Variants in SYNJ1 observed in about 807,000 individuals in gnomAD.
The protein encoded by SYNJ1 is polyphosphatidylinositol phosphatase SYNJ1.
SYNJ1 carries 78 observed loss-of-function variants against 168.2 expected under a neutral mutation model. The observed-to-expected ratio is 0.46, with a 90% CI of 0.39 to 0.56. SYNJ1 has a LOEUF of 0.56. Ranked by LOEUF, SYNJ1 falls within the 20% of genes least tolerant of loss-of-function variation. The pLI is 0.00. For synonymous variants in SYNJ1, 539 were observed against 548.6 expected (o/e 0.98, Z 0.24); for missense variants, 1,303 against 1,597.6 (o/e 0.82, Z 3.14).
At chr21:32,654,628 T>G (rs2040395230) in intron 21 of SYNJ1, among the ~76,000 whole-genome samples, 1 of 152,208 alleles carries the variant, frequency 6.6e-6, no homozygotes, top group Non-Finnish European at 1.5e-5. Flanking sequence ...GTCCTTATTC[T>G]CAATCAGCAA....
chr21:32,643,272 A>C (rs2039922262), intron 27 of SYNJ1, 138 bp downstream of exon 27: 1 of 806,728 alleles, frequency 1.2e-6, no homozygotes, highest in Non-Finnish European at 2.0e-6. Context: ...GGTATACATA[A>C]GGAGGGGAAA....
intron 2 of SYNJ1, among the ~76,000 whole-genome samples, chr21:32,723,250 A>G (rs1328688731): frequency 6.6e-6 from 1 of 152,228 alleles, no homozygotes; most frequent in African/African-American, 2.4e-5. Context: ...GTATGTGCTA[A>G]TAGTATGAAA....
At chr21:32,654,381 A>G (rs1361038846) in intron 21 of SYNJ1, among the ~76,000 whole-genome samples, 1 of 152,216 alleles carries the variant, frequency 6.6e-6, no homozygotes, top group Non-Finnish European at 1.5e-5. Context: ...TTTCTTTGGC[A>G]TAAAACTAAA....
At chr21:32,634,161 C>T (rs2039460841) in intron 32 of SYNJ1, among the ~76,000 whole-genome samples, 1 of 152,156 alleles carries the variant, frequency 6.6e-6, no homozygotes, top group Admixed American at 6.5e-5. Context: ...TACATTTAAA[C>T]ACCTTTATTT....
intron 2 of SYNJ1, among the ~76,000 whole-genome samples, chr21:32,718,901 G>T (rs750844375): frequency 6.6e-6 from 1 of 151,918 alleles, no homozygotes; most frequent in Admixed American, 6.6e-5. Context: ...TAACCTTAAC[G>T]CCTTCCCTTA....
rs1217557614 is a variant in SYNJ1 at position 32,670,390 on chromosome 21, A to G, written c.1727-18T>C. 1 of 1,597,148 alleles carries G rather than the reference A, an allele frequency of 6.3e-7. No homozygotes were observed. Among genetic ancestry groups the G allele is most frequent in the East Asian group, 2.2e-5 (1 of 44,718 alleles). On this transcript the variant is annotated intron_variant, in intron 14 of 32. Coordinates refer to ENST00000674351, the MANE Select transcript of SYNJ1 (RefSeq NM_203446.3). ...TCTTTTATCTAAAATTAAGCATCCA[A>G]GAAATACTTTTAAATATAGCCTCAG...
intron 32 of SYNJ1, 131 bp downstream of exon 32, chr21:32,634,730 G>T: frequency 1.1e-6 from 1 of 898,690 alleles, no homozygotes; most frequent in Non-Finnish European, 1.7e-6. Flanking sequence ...TTTATGGTAT[G>T]ATAGAATTTA....
chr21:32,714,420 A>T (rs1304366150), intron 2 of SYNJ1, among the ~76,000 whole-genome samples: 3 of 152,196 alleles, frequency 2.0e-5, no homozygotes, highest in Non-Finnish European at 4.4e-5. Flanking sequence ...GGGACCAGTT[A>T]AGGAGGGAAT....
chr21:32,676,299 CT>C, intron 13 of SYNJ1, 32 bp downstream of exon 13: 2 of 1,521,456 alleles, frequency 1.3e-6, no homozygotes, highest in African/African-American at 1.4e-5. Context: ...GAAAAAATTG[CT>C]TTTATTTATA....
intron 8 of SYNJ1, 125 bp from the exon 9 acceptor site, chr21:32,686,042 T>C (rs2146091771): frequency 1.1e-6 from 1 of 913,994 alleles, no homozygotes; most frequent in Non-Finnish European, 1.6e-6. Flanking sequence ...AAACTATCCC[T>C]GAGAGATACG....
At chr21:32,719,972 G>A (rs534284171) in intron 2 of SYNJ1, among the ~76,000 whole-genome samples, 1 of 152,064 alleles carries the variant, frequency 6.6e-6, no homozygotes, top group East Asian at 1.9e-4. Flanking sequence ...AGGCACAGTG[G>A]CTCACACCTG....
chr21:32,689,250 G>C (rs140378327), intron 6 of SYNJ1, among the ~76,000 whole-genome samples: 264 of 152,248 alleles, frequency 1.7e-3, no homozygotes, highest in South Asian at 8.5e-3. Flanking sequence ...GATCACTGAG[G>C]GGGGGCAAAA....
At chr21:32,632,131 A>G (rs1360651843) in intron 32 of SYNJ1, among the ~76,000 whole-genome samples, 2 of 152,220 alleles carry the variant, frequency 1.3e-5, no homozygotes, top group African/African-American at 4.8e-5. Flanking sequence ...GTTCTATCAC[A>G]TTTCAGCATG....
intron 26 of SYNJ1, among the ~76,000 whole-genome samples, chr21:32,643,788 TA>T (rs1452213120): frequency 6.6e-6 from 1 of 152,184 alleles, no homozygotes; most frequent in Non-Finnish European, 1.5e-5. Context: ...CCAGAGCAAG[TA>T]AAAACTCTGA....
At chr21:32,650,752 G>C (rs2040244037) in intron 22 of SYNJ1, among the ~76,000 whole-genome samples, 1 of 152,202 alleles carries the variant, frequency 6.6e-6, no homozygotes, top group African/African-American at 2.4e-5. Flanking sequence ...TCTTTAAAAT[G>C]CATTTCCTGT....
upstream of SYNJ1, chr21:32,728,187 T>G: frequency 1.1e-6 from 1 of 941,794 alleles, no homozygotes. Flanking sequence ...CTTTGCCTCC[T>G]GCGGCCGCCC....
intron 27 of SYNJ1, among the ~76,000 whole-genome samples, 169 bp downstream of exon 27, chr21:32,643,241 T>C (rs779964841): frequency 6.6e-6 from 1 of 150,556 alleles, no homozygotes; most frequent in African/African-American, 2.5e-5. Context: ...TGACATAGAA[T>C]GAAGAGAGGA....
chr21:32,694,444 A>G, intron 5 of SYNJ1, 133 bp from the exon 6 acceptor site: 1 of 620,044 alleles, frequency 1.6e-6, no homozygotes, highest in Non-Finnish European at 2.5e-6. Context: ...ACAATTGTCC[A>G]AAACAGGCCA....
At chr21:32,684,436 T>C (rs1276545077) in intron 9 of SYNJ1, among the ~76,000 whole-genome samples, 1 of 152,212 alleles carries the variant, frequency 6.6e-6, no homozygotes, top group Non-Finnish European at 1.5e-5. Context: ...AAAATAAAAA[T>C]ATTTATAGAA....
Sources: allele counts gnomAD v4.1 joint callset (sites outside exome capture counted in the v4.1 genomes callset), GRCh38; gene constraint gnomAD v4.1.1; transcripts MANE v1.5; gene names NCBI Gene and HGNC (gene_info 2026-07-23, HGNC 2026-07-21).